Variants in KATNIP observed in about 807,000 individuals in gnomAD.
The protein encoded by KATNIP is katanin-interacting protein.
A neutral mutation model predicts 174.0 loss-of-function variants in KATNIP; 126 were observed. The observed-to-expected ratio is 0.72, with a 90% CI of 0.63 to 0.84. The LOEUF (loss-of-function observed/expected upper bound fraction) is 0.84. Among genes scored for constraint, KATNIP ranks in the 40% least tolerant of loss-of-function variants. The pLI is 0.00. For missense variants in KATNIP, 1,958 were observed against 2,109.7 expected, an observed-to-expected ratio of 0.93 and a Z score of 1.41; for synonymous variants, 810 against 835.7, an observed-to-expected ratio of 0.97 and a Z score of 0.53.
intron 2 of KATNIP, 77 bp downstream of exon 2, chr16:27,574,033 G>A: frequency 2.3e-6 from 3 of 1,310,782 alleles, no homozygotes; most frequent in Non-Finnish European, 3.3e-6. Context: ...TGGCGAATAA[G>A]TGTCCCTAAA....
Position 27,750,313 on chromosome 16 carries a change from C to T in KATNIP, c.3346+7C>T, listed in dbSNP as rs200872377. 1.4e-5 allele frequency: 23 copies of T among 1,593,844 alleles called. No homozygotes were observed. Among genetic ancestry groups the T allele is most frequent in the Admixed American group, 1.2e-4 (7 of 58,644 alleles). ...TCTGGAACCCTGGCGGGAGGTATGG[C>T]GTGTCTGTAAGAATTTTCTCAGAGC... is the stretch of plus-strand genomic sequence containing the variant. On this transcript the variant is annotated splice_region_variant and intron_variant, in intron 16 of 27. Transcript: ENST00000261588.
chr16:27,617,616 A>C (rs1260361813), intron 2 of KATNIP, among the ~76,000 whole-genome samples: 1 of 152,226 alleles, frequency 6.6e-6, no homozygotes, highest in African/African-American at 2.4e-5. Context: ...GCAGAAGAGG[A>C]GACACAGAAC....
At chr16:27,626,013 T>A (rs575440290) in intron 3 of KATNIP, among the ~76,000 whole-genome samples, 1 of 151,680 alleles carries the variant, frequency 6.6e-6, no homozygotes, top group South Asian at 2.1e-4. Context: ...CCACGCCCAG[T>A]TAATTTTTAT....
chr16:27,732,153 G>A (rs2143294381), intron 14 of KATNIP, among the ~76,000 whole-genome samples: 1 of 152,236 alleles, frequency 6.6e-6, no homozygotes, highest in East Asian at 1.9e-4. Context: ...TCAGCCAGAG[G>A]ACCACCAGTG....
At chr16:27,671,915 G>A (rs1051373928) in intron 6 of KATNIP, among the ~76,000 whole-genome samples, 3 of 152,134 alleles carry the variant, frequency 2.0e-5, no homozygotes, top group African/African-American at 7.2e-5. Flanking sequence ...AATCAGCCGG[G>A]TGTGGTGGCG....
Position 27,618,467 on chromosome 16 carries a change from G to C in KATNIP, c.106G>C (p.Asp36His), listed in dbSNP as rs553164422. The stretch of plus-strand genomic sequence containing the variant: ...GGTGACAGACTTTGATGAGAAACAT[G>C]ATGAGTATTTAATATTGCTTCAGCA... The part of the protein sequence containing the change: ...DMVTDFDEKH[D>H]EYLILLQQRN... The change falls in exon 3 of 28, where the codon GAT becomes CAT. Residue 36 changes from aspartate to histidine, a missense_variant. Asp to His is a moderately conservative substitution (Grantham distance 81). Transcript: ENST00000261588. The C allele has an allele frequency of 3.0e-5, 49 of 1,613,590 alleles. No individual in the cohort carries two copies. The highest frequency in any genetic ancestry group is 8.0e-5 in the African/African-American group (6 of 75,054).
Position 27,777,535 on chromosome 16 carries a change from C to T in KATNIP, c.4552-75C>T, listed in dbSNP as rs2082541659. ...CCGAGGAGAAAGCCTTGGCTCAGAG[C>T]AGTAACGCGTTCTGCCCAAGGTCAA... On this transcript the variant is annotated intron_variant, in intron 25 of 27. Coordinates refer to ENST00000261588, the MANE Select transcript of KATNIP (RefSeq NM_015202.5). This position sits in a 1 kb window ranked among gnomAD's most constrained non-coding sequence, Gnocchi z 4.4. 2.9e-6 allele frequency: 4 copies of T among 1,402,582 alleles called. No individual in the cohort carries two copies. Among genetic ancestry groups the T allele is most frequent in the Non-Finnish European group, 3.9e-6 (4 of 1,034,012 alleles). 86.9% of individuals were successfully genotyped at this position (1,402,582 alleles called of 1,614,324 possible). A position where few individuals can be genotyped will look rare whatever the true frequency, so the allele number is the denominator to read the frequency against.
intron 2 of KATNIP, among the ~76,000 whole-genome samples, chr16:27,595,246 A>G (rs1343007263): frequency 6.6e-6 from 1 of 152,102 alleles, no homozygotes; most frequent in Non-Finnish European, 1.5e-5. Flanking sequence ...AGTTAGCTGG[A>G]TGTAGTGGCA....
At chr16:27,551,839 C>T (rs949370855) in intron 1 of KATNIP, among the ~76,000 whole-genome samples, 2 of 152,026 alleles carry the variant, frequency 1.3e-5, no homozygotes, top group Non-Finnish European at 2.9e-5. Flanking sequence ...GGCAACAGGG[C>T]GAGACTCTGT....
chr16:27,776,806 C>A lies in KATNIP; in HGVS notation c.4450-122C>A. ...AAAGGGGGCGGAACTCCAGGCTGGC[C>A]CACGTGGCAGGCGCTGCCTTGGGCA... On this transcript the variant is annotated intron_variant, in intron 24 of 27. Transcript: ENST00000261588. This position sits in a 1 kb window ranked among gnomAD's most constrained non-coding sequence, Gnocchi z 4.7. 1.4e-6 allele frequency: 1 copy of A among 691,356 alleles called. No individual in the cohort carries two copies. Among genetic ancestry groups the A allele is most frequent in the Non-Finnish European group, 2.6e-6 (1 of 386,090 alleles). The allele number at this position is 691,356 out of a possible 1,614,324, so 42.8% of individuals were successfully genotyped here.
chr16:27,573,068 GCTAAGCTGTCA>G (rs2090365904), intron 1 of KATNIP, among the ~76,000 whole-genome samples: 1 of 152,196 alleles, frequency 6.6e-6, no homozygotes, highest in Admixed American at 6.5e-5. Context: ...CTTTCCTCTT[GCTAAGCTGTCA>G]CTAAGCATTT....
intron 2 of KATNIP, among the ~76,000 whole-genome samples, chr16:27,589,575 A>G (rs2075105138): frequency 6.6e-6 from 1 of 152,178 alleles, no homozygotes; most frequent in Non-Finnish European, 1.5e-5. Flanking sequence ...CTGAATTTAC[A>G]CTTTACCCAA....
At chr16:27,751,001 T>C (rs553946962) in intron 16 of KATNIP, among the ~76,000 whole-genome samples, 1 of 152,162 alleles carries the variant, frequency 6.6e-6, no homozygotes, top group African/African-American at 2.4e-5. Context: ...GTGCTAGGAT[T>C]ACAGGCATGA....
At chr16:27,686,619 T>C (rs2078535734) in intron 8 of KATNIP, among the ~76,000 whole-genome samples, 1 of 152,218 alleles carries the variant, frequency 6.6e-6, no homozygotes, top group South Asian at 2.1e-4. Context: ...TACTATCTTA[T>C]TGTTTGCTTT....
intron 6 of KATNIP, among the ~76,000 whole-genome samples, chr16:27,656,914 G>A (rs1379852643): frequency 1.3e-5 from 2 of 148,986 alleles, no homozygotes; most frequent in South Asian, 2.1e-4. Context: ...ATGTGCACAT[G>A]TACCCTAAAA....
At chr16:27,710,119 GGAGGCCGAGGTGGGCGGATCACCT>G (rs2079508152) in intron 13 of KATNIP, among the ~76,000 whole-genome samples, 1 of 152,178 alleles carries the variant, frequency 6.6e-6, no homozygotes, top group African/African-American at 2.4e-5. Flanking sequence ...CAGCGCTTTG[GGAGGCCGAGGTGGGCGGATCACCT>G]GAGGCCTGGA....
intron 11 of KATNIP, 117 bp downstream of exon 11, chr16:27,701,812 T>C (rs2079110179): frequency 1.4e-6 from 1 of 703,322 alleles, no homozygotes; most frequent in Middle Eastern, 2.6e-4. Flanking sequence ...TTTCTTTCTT[T>C]AAGATGGAAT....
intron 1 of KATNIP, among the ~76,000 whole-genome samples, chr16:27,567,616 T>C (rs975434666): frequency 6.6e-6 from 1 of 152,224 alleles, no homozygotes; most frequent in Non-Finnish European, 1.5e-5. Flanking sequence ...CTCTGGCTCC[T>C]GGGTTAAAGT....
intron 2 of KATNIP, among the ~76,000 whole-genome samples, chr16:27,606,655 T>C (rs1267914252): frequency 6.6e-6 from 1 of 152,010 alleles, no homozygotes; most frequent in Non-Finnish European, 1.5e-5. Context: ...ATCTAGTTGC[T>C]ATTTGGCCTG....
Sources: allele counts gnomAD v4.1 joint callset (sites outside exome capture counted in the v4.1 genomes callset), GRCh38; gene constraint gnomAD v4.1.1; non-coding constraint Gnocchi (gnomAD v3.1); transcripts MANE v1.5; gene names NCBI Gene and HGNC (gene_info 2026-07-23, HGNC 2026-07-21).